Variants in FGGY observed in about 807,000 individuals in gnomAD.
FGGY encodes FGGY carbohydrate kinase domain-containing protein.
In FGGY, 72 loss-of-function variants were observed where a neutral mutation model predicts 71.3. The ratio of observed to expected loss-of-function variants is 1.01; its 90% CI spans 0.84 to 1.23. The LOEUF is 1.23. Among genes scored for constraint, FGGY ranks in the 50% most tolerant of loss-of-function variants. FGGY has a pLI of 0.00. For missense variants in FGGY, 668 were observed against 682.3 expected, an observed-to-expected ratio of 0.98 and a Z score of 0.23; for synonymous variants, 251 against 250.3, an observed-to-expected ratio of 1.00 and a Z score of -0.02.
chr1:59,696,084 A>T (rs1344126446), intron 14 of FGGY, among the ~76,000 whole-genome samples: 2 of 152,216 alleles, frequency 1.3e-5, no homozygotes, highest in African/African-American at 4.8e-5. Flanking sequence ...AAGTGAGAGA[A>T]ATATGAACCA....
intron 14 of FGGY, among the ~76,000 whole-genome samples, chr1:59,687,553 G>T (rs2097554115): frequency 6.6e-6 from 1 of 151,204 alleles, no homozygotes; most frequent in Non-Finnish European, 1.5e-5. Context: ...TGCAAGCTCT[G>T]CCTCCTGGGT....
intron 8 of FGGY, among the ~76,000 whole-genome samples, chr1:59,594,387 C>T (rs1483810420): frequency 1.3e-5 from 2 of 152,212 alleles, no homozygotes; most frequent in East Asian, 1.9e-4. Context: ...ACATTGCCTC[C>T]AATTTTCCCA....
intron 5 of FGGY, among the ~76,000 whole-genome samples, chr1:59,450,579 GTAA>G (rs2072471204): frequency 6.6e-6 from 1 of 151,960 alleles, no homozygotes; most frequent in Non-Finnish European, 1.5e-5. Flanking sequence ...TTCCCCAGTA[GTAA>G]TAATAATAGC....
chr1:59,738,263 G>A (rs1396760648), intron 14 of FGGY, among the ~76,000 whole-genome samples: 4 of 152,202 alleles, frequency 2.6e-5, no homozygotes, highest in Non-Finnish European at 1.5e-5. Context: ...CTATGCTGGT[G>A]AGATTACAAA....
chr1:59,420,397 G>A (rs1037629564), intron 5 of FGGY, among the ~76,000 whole-genome samples: 2 of 152,174 alleles, frequency 1.3e-5, no homozygotes, highest in Non-Finnish European at 2.9e-5. Context: ...CCAAGGAGTT[G>A]GGTATGTACT....
At chr1:59,337,137 G>A (rs1344064286) in intron 2 of FGGY, among the ~76,000 whole-genome samples, 8 of 150,810 alleles carry the variant, frequency 5.3e-5, no homozygotes, top group South Asian at 2.1e-4. Flanking sequence ...TAGGTCATCC[G>A]TAAGCTAGGG....
At chr1:59,459,297 G>A (rs538527839) in intron 6 of FGGY, among the ~76,000 whole-genome samples, 1 of 152,180 alleles carries the variant, frequency 6.6e-6, no homozygotes, top group African/African-American at 2.4e-5. Flanking sequence ...AAATTTACAG[G>A]GTTTTAAGTA....
At chr1:59,401,311 G>T (rs534572631) in intron 5 of FGGY, among the ~76,000 whole-genome samples, 1 of 152,118 alleles carries the variant, frequency 6.6e-6, no homozygotes, top group Admixed American at 6.6e-5. Context: ...GATCTAAATT[G>T]CTTACCTGTT....
At chr1:59,414,830 A>G (rs560948892) in intron 5 of FGGY, among the ~76,000 whole-genome samples, 4 of 152,192 alleles carry the variant, frequency 2.6e-5, no homozygotes, top group Non-Finnish European at 5.9e-5. Context: ...TGTGTCCTCC[A>G]TTAGCTGAAC....
intron 8 of FGGY, among the ~76,000 whole-genome samples, chr1:59,577,117 C>T (rs1039652401): frequency 6.6e-6 from 1 of 152,152 alleles, no homozygotes; most frequent in African/African-American, 2.4e-5. Flanking sequence ...GCTCATTTTG[C>T]CGCCATCCTT....
intron 7 of FGGY, among the ~76,000 whole-genome samples, chr1:59,542,032 G>A (rs1006348312): frequency 1.1e-4 from 17 of 152,236 alleles, no homozygotes; most frequent in Non-Finnish European, 2.2e-4. Context: ...GATGATAACA[G>A]CTAAGCCATT....
At chr1:59,597,800 A>G in intron 8 of FGGY, among the ~76,000 whole-genome samples, 1 of 152,224 alleles carries the variant, frequency 6.6e-6, no homozygotes, top group East Asian at 1.9e-4. Context: ...TAAAGTCTGC[A>G]GGAGGGAGCC....
intron 6 of FGGY, among the ~76,000 whole-genome samples, chr1:59,508,118 G>T (rs1166129530): frequency 6.6e-6 from 1 of 152,076 alleles, no homozygotes; most frequent in Admixed American, 6.5e-5. Flanking sequence ...TTCCACACAG[G>T]CTTGAAAGTC....
At chr1:59,343,961 C>A (rs1570690139) in intron 3 of FGGY, among the ~76,000 whole-genome samples, 1 of 152,270 alleles carries the variant, frequency 6.6e-6, no homozygotes, top group East Asian at 1.9e-4. Flanking sequence ...CTTCAACACT[C>A]ACCCACCCAC....
At chr1:59,492,822 A>G (rs1043337054) in intron 6 of FGGY, among the ~76,000 whole-genome samples, 1 of 151,862 alleles carries the variant, frequency 6.6e-6, no homozygotes, top group African/African-American at 2.4e-5. Flanking sequence ...CTTTACTCTC[A>G]CTTCTAGAGA....
chr1:59,712,976 C>A (rs1467894157), intron 14 of FGGY, among the ~76,000 whole-genome samples: 1 of 152,156 alleles, frequency 6.6e-6, no homozygotes, highest in East Asian at 1.9e-4. Flanking sequence ...AACTTTCATG[C>A]TCTGTTTTCC....
chr1:59,756,980 T>C (rs2098297011), intron 14 of FGGY, among the ~76,000 whole-genome samples: 1 of 151,856 alleles, frequency 6.6e-6, no homozygotes, highest in African/African-American at 2.4e-5. Flanking sequence ...TATGCAAATC[T>C]GTATCCCTAG....
intron 14 of FGGY, among the ~76,000 whole-genome samples, chr1:59,718,426 A>G (rs1171242563): frequency 6.6e-6 from 1 of 152,192 alleles, no homozygotes; most frequent in Non-Finnish European, 1.5e-5. Context: ...GACTCCCTCC[A>G]GGAGAGCCAC....
At chr1:59,726,378 A>G (rs542265098) in intron 14 of FGGY, among the ~76,000 whole-genome samples, 1 of 152,084 alleles carries the variant, frequency 6.6e-6, no homozygotes, top group African/African-American at 2.4e-5. Context: ...GAGAGAGTGG[A>G]TTTTGGCTTT....
Sources: allele counts gnomAD v4.1 joint callset (sites outside exome capture counted in the v4.1 genomes callset), GRCh38; gene constraint gnomAD v4.1.1; transcripts MANE v1.5; gene names NCBI Gene and HGNC (gene_info 2026-07-23, HGNC 2026-07-21).